Variants in EFCAB6 observed in about 807,000 individuals in gnomAD.
The protein encoded by EFCAB6 is EF-hand calcium-binding domain-containing protein 6.
A neutral mutation model predicts 169.8 loss-of-function variants in EFCAB6; 156 were observed. The ratio of observed to expected loss-of-function variants is 0.92; its 90% CI spans 0.81 to 1.05. EFCAB6 has a LOEUF of 1.05. Among genes scored for constraint, EFCAB6 ranks in the 50% least tolerant of loss-of-function variants. EFCAB6 has a pLI of 0.00. For synonymous variants in EFCAB6, 698 were observed against 676.4 expected, an observed-to-expected ratio of 1.03 and a Z score of -0.50; for missense variants, 1,800 against 1,829.1, an observed-to-expected ratio of 0.98 and a Z score of 0.29.
intron 7 of EFCAB6, among the ~76,000 whole-genome samples, chr22:43,732,058 T>C (rs184623322): frequency 4.6e-5 from 7 of 152,320 alleles, no homozygotes; most frequent in Admixed American, 4.6e-4. Context: ...GAAATGTTGC[T>C]GGACCTGTTG....
chr22:43,676,344 G>A (rs1484462707), intron 13 of EFCAB6, among the ~76,000 whole-genome samples: 1 of 150,792 alleles, frequency 6.6e-6, no homozygotes, highest in Non-Finnish European at 1.5e-5. Context: ...TTGAACCCAG[G>A]AGGCAGGGAG....
chr22:43,590,231 T>G lies in EFCAB6; in HGVS notation c.2877-2A>C. 6.2e-7 allele frequency: 1 copy of G among 1,612,748 alleles called. No individual in the cohort carries two copies. The highest frequency in any genetic ancestry group is 8.5e-7 in the Non-Finnish European group (1 of 1,179,484). The stretch of plus-strand genomic sequence containing the variant: ...TGATGGCGGTCCATAAGCTTATCCC[T>G]GAAAGAGAGTACATTGCAGACATAC... On this transcript the variant is annotated splice_acceptor_variant, in intron 23 of 31. Coordinates refer to ENST00000262726, the MANE Select transcript of EFCAB6 (RefSeq NM_022785.4). LOFTEE classifies it high-confidence loss of function.
chr22:43,573,465 G>T (rs1247869225), intron 26 of EFCAB6, among the ~76,000 whole-genome samples: 1 of 68 alleles, frequency 0.015, no homozygotes, highest in Non-Finnish European at 0.028. Flanking sequence ...GGGCACGGTG[G>T]CTTATGCTGT....
intron 13 of EFCAB6, among the ~76,000 whole-genome samples, chr22:43,677,665 A>G (rs1740376596): frequency 6.6e-6 from 1 of 152,074 alleles, no homozygotes; most frequent in Non-Finnish European, 1.5e-5. Flanking sequence ...CATCTCAAGA[A>G]AAAAACAAGA....
intron 25 of EFCAB6, among the ~76,000 whole-genome samples, chr22:43,578,682 A>T (rs1461858212): frequency 6.6e-6 from 1 of 152,018 alleles, no homozygotes; most frequent in East Asian, 1.9e-4. Context: ...ATCATTCCCT[A>T]CGTGCAGGCA....
At chr22:43,665,851 G>A (rs1486709592) in intron 17 of EFCAB6, among the ~76,000 whole-genome samples, 1 of 152,178 alleles carries the variant, frequency 6.6e-6, no homozygotes, top group Admixed American at 6.5e-5. Context: ...GCAGTGGCAC[G>A]ATCTCAGCTC....
chr22:43,759,111 T>G (rs2061060306), intron 5 of EFCAB6: 1 of 152,246 alleles, frequency 6.6e-6, no homozygotes, highest in Middle Eastern at 3.2e-3. Context: ...GCCAAAAGCC[T>G]TTCTTATTTC....
At chr22:43,646,423 G>A (rs1414563512) in intron 17 of EFCAB6, among the ~76,000 whole-genome samples, 1 of 152,174 alleles carries the variant, frequency 6.6e-6, no homozygotes, top group Non-Finnish European at 1.5e-5. Flanking sequence ...AACCTGGCCT[G>A]AGAATAGCCA....
intron 6 of EFCAB6, among the ~76,000 whole-genome samples, chr22:43,748,463 C>T (rs538909239): frequency 6.6e-6 from 1 of 152,140 alleles, no homozygotes; most frequent in Non-Finnish European, 1.5e-5. Flanking sequence ...CTGAAAACTA[C>T]CCCACATCTC....
intron 17 of EFCAB6, 93 bp from the exon 18 acceptor site, chr22:43,635,309 C>T: frequency 8.7e-6 from 8 of 918,180 alleles, no homozygotes; most frequent in Non-Finnish European, 1.4e-5. Context: ...TGGCTCACAG[C>T]AGGGCTCATG....
intron 24 of EFCAB6, among the ~76,000 whole-genome samples, chr22:43,582,367 CAT>C (rs1491380916): frequency 1.3e-5 from 2 of 151,792 alleles, no homozygotes; most frequent in African/African-American, 4.8e-5. Context: ...CACACACACA[CAT>C]ACACACAGGC....
At chr22:43,530,559 T>C (rs2046995998) in intron 31 of EFCAB6, 3 of 985,258 alleles carry the variant, frequency 3.0e-6, no homozygotes, top group Admixed American at 6.2e-5. Flanking sequence ...GCACTGACCC[T>C]GAGGAGCTGG....
rs561290029 is a variant in EFCAB6, at chr22:43,784,554, T to C, written c.-7-2229A>G. Among the ~76,000 whole-genome samples, 95 of 97,152 alleles carry C rather than the reference T, an allele frequency of 9.8e-4. 9 individuals are homozygous for C. The highest frequency in any genetic ancestry group is 8.6e-3 in the South Asian group (25 of 2,904). The allele number at this position is 97,152 out of a possible 152,430, so 63.7% of individuals were successfully genotyped here. A position where few individuals can be genotyped will look rare whatever the true frequency, so the allele number is the denominator to read the frequency against. On this transcript the variant is annotated intron_variant, in intron 2 of 31. Transcript: ENST00000262726. The stretch of plus-strand genomic sequence containing the variant: ...GTGTGTGTGTGTGTGTATATGTATA[T>C]ATACACATATATATGTGTACATATA...
At chr22:43,688,784 G>A (rs1246779547) in intron 10 of EFCAB6, among the ~76,000 whole-genome samples, 1 of 152,200 alleles carries the variant, frequency 6.6e-6, no homozygotes, top group Non-Finnish European at 1.5e-5. Context: ...ACTAAACCAT[G>A]CCTATCCTTC....
At chr22:43,764,434 A>G (rs2061262572) in intron 5 of EFCAB6, among the ~76,000 whole-genome samples, 1 of 152,156 alleles carries the variant, frequency 6.6e-6, no homozygotes, top group Admixed American at 6.5e-5. Flanking sequence ...AATTCAATCC[A>G]CCATTGGTAG....
rs1033937879 is a variant in EFCAB6, at chr22:43,780,427, C to A, written c.139+1753G>T. On this transcript the variant is annotated intron_variant, in intron 3 of 31. Transcript: ENST00000262726. ...ACTTGAACCTGGGAGGCAGAGGTTG[C>A]AGTTAGCCAAGATCATGCCCTTGCA... 5.4e-5 allele frequency among the ~76,000 whole-genome samples: 7 copies of A among 130,364 alleles called. No homozygotes were observed. The Admixed American group carries it at 6.4e-4, about 12-fold the overall frequency. The allele number at this position is 130,364 out of a possible 152,430, so 85.5% of individuals were successfully genotyped here.
chr22:43,662,106 C>T (rs1351979523), intron 17 of EFCAB6, among the ~76,000 whole-genome samples: 5 of 150,872 alleles, frequency 3.3e-5, no homozygotes, highest in East Asian at 3.9e-4. Flanking sequence ...TGCAGTGAGC[C>T]GAGATCGCGC....
At chr22:43,640,292 A>T (rs1300196446) in intron 17 of EFCAB6, among the ~76,000 whole-genome samples, 4 of 152,188 alleles carry the variant, frequency 2.6e-5, no homozygotes, top group Admixed American at 6.5e-5. Flanking sequence ...ATAAATCTTT[A>T]TATCTATGTA....
intron 5 of EFCAB6, 112 bp from the exon 6 acceptor site, chr22:43,755,944 C>A: frequency 9.4e-7 from 1 of 1,058,358 alleles, no homozygotes; most frequent in Non-Finnish European, 1.3e-6. Flanking sequence ...TTTTAAAATG[C>A]AAGGTATTTC....
Sources: gnomAD v4.1 joint callset for allele counts (sites outside exome capture counted in the v4.1 genomes callset) on GRCh38, gnomAD v4.1.1 for gene constraint, MANE v1.5 for transcripts, NCBI Gene and HGNC (gene_info 2026-07-23, HGNC 2026-07-21) for gene names.